Variants in TBC1D1 observed in about 807,000 individuals in gnomAD.
TBC1D1 encodes the protein TBC1 domain family member 1.
A neutral mutation model predicts 125.6 loss-of-function variants in TBC1D1; 89 were observed. The observed-to-expected ratio is 0.71, with a 90% CI of 0.60 to 0.85. The LOEUF is 0.85. Among genes scored for constraint, TBC1D1 ranks in the 40% least tolerant of loss-of-function variants. TBC1D1 has a pLI of 0.00. For synonymous variants in TBC1D1, 565 were observed against 564.1 expected (o/e 1.00, Z -0.02); for missense variants, 1,377 against 1,469.2 (o/e 0.94, Z 1.03).
intron 1 of TBC1D1, among the ~76,000 whole-genome samples, chr4:37,898,616 G>A (rs778541554): frequency 6.6e-6 from 1 of 152,122 alleles, no homozygotes; most frequent in Non-Finnish European, 1.5e-5. Context: ...CCATGATACA[G>A]ATGTCACCTG....
At chr4:37,966,652 T>A (rs1731132130) in intron 2 of TBC1D1, among the ~76,000 whole-genome samples, 1 of 152,208 alleles carries the variant, frequency 6.6e-6, no homozygotes, top group Non-Finnish European at 1.5e-5. Context: ...ATTATTATAC[T>A]TTAAGTTCTA....
At chr4:37,893,437 C>G (rs984295854) in intron 1 of TBC1D1, among the ~76,000 whole-genome samples, 2 of 152,174 alleles carry the variant, frequency 1.3e-5, no homozygotes, top group African/African-American at 4.8e-5. Context: ...AGTTTAATGA[C>G]CACGTTAGTT....
At chr4:37,917,032 A>G (rs1214060429) in intron 2 of TBC1D1, among the ~76,000 whole-genome samples, 3 of 151,368 alleles carry the variant, frequency 2.0e-5, no homozygotes, top group Non-Finnish European at 1.5e-5. Flanking sequence ...CAGCCTCCCA[A>G]AGTGCTGGGA....
chr4:37,964,725 AC>A (rs1730741738), intron 2 of TBC1D1, among the ~76,000 whole-genome samples: 1 of 152,150 alleles, frequency 6.6e-6, no homozygotes, highest in East Asian at 1.9e-4. Context: ...GCTGCCTCAG[AC>A]CCAACAAGAA....
At chr4:37,895,462 G>T (rs912199071) in intron 1 of TBC1D1, among the ~76,000 whole-genome samples, 1 of 152,140 alleles carries the variant, frequency 6.6e-6, no homozygotes, top group African/African-American at 2.4e-5. Flanking sequence ...CCAGCACTTT[G>T]GGAGGCCGAG....
chr4:37,913,416 T>A (rs1171542711), intron 2 of TBC1D1, among the ~76,000 whole-genome samples: 1 of 151,938 alleles, frequency 6.6e-6, no homozygotes, highest in Non-Finnish European at 1.5e-5. Flanking sequence ...CTGACCAACA[T>A]GGAGAAACCC....
At chr4:38,137,050 C>G in intron 19 of TBC1D1, 85 bp from the exon 22 acceptor site, 1 of 1,598,654 alleles carries the variant, frequency 6.3e-7, no homozygotes, top group Non-Finnish European at 8.5e-7. Flanking sequence ...CCAGAGTGCT[C>G]CCAAGGCTGG....
At chr4:37,905,846 C>CA (rs1392642014) in intron 2 of TBC1D1, among the ~76,000 whole-genome samples, 1 of 152,158 alleles carries the variant, frequency 6.6e-6, no homozygotes. Context: ...TCACCTGTTA[C>CA]AATTCTTTGA....
Position 37,946,184 on chromosome 4 carries a change from G to A in TBC1D1, c.417+43672G>A, listed in dbSNP as rs1339781053. Among the ~76,000 whole-genome samples, 7 of 152,298 alleles carry A rather than the reference G, an allele frequency of 4.6e-5. No homozygotes were observed. In the South Asian group the frequency reaches 1.0e-3, roughly 23 times the overall value. On this transcript the variant is annotated intron_variant, in intron 2 of 19. Coordinates refer to ENST00000261439, the MANE Select transcript of TBC1D1 (RefSeq NM_015173.4). ...TTGACTGTCATACAAATGAAACTCA[G>A]CAGACTAGAAATGCTGGAAAAACCA...
At chr4:37,945,082 A>C (rs1577979689) in intron 2 of TBC1D1, among the ~76,000 whole-genome samples, 1 of 150,984 alleles carries the variant, frequency 6.6e-6, no homozygotes, top group African/African-American at 2.4e-5. Flanking sequence ...GACAAACCAT[A>C]AGGCACAGCT....
chr4:37,919,270 C>T (rs1456780022), intron 2 of TBC1D1, among the ~76,000 whole-genome samples: 1 of 151,722 alleles, frequency 6.6e-6, no homozygotes, highest in Non-Finnish European at 1.5e-5. Flanking sequence ...TGGGTTCAAG[C>T]GATTCCCCTG....
At position 37,960,444 on chromosome 4, in the gene TBC1D1, C is replaced by G. The variant is rs752876023; in HGVS notation, c.418-54065C>G. 3.0e-5 allele frequency: 49 copies of G among 1,612,202 alleles called. 1 individual carries two copies. In the South Asian group the frequency reaches 4.4e-4, roughly 15 times the overall value. ...GCGGCAATAATCCAGAATGGCTACT[C>G]TGATCTACGTTGATAAGGAAATTGG... On this transcript the variant is annotated intron_variant, in intron 2 of 19. Coordinates refer to ENST00000261439, the MANE Select transcript of TBC1D1 (RefSeq NM_015173.4).
At chr4:38,090,868 C>T (rs1187391920) in intron 13 of TBC1D1, among the ~76,000 whole-genome samples, 2 of 152,120 alleles carry the variant, frequency 1.3e-5, no homozygotes, top group African/African-American at 4.8e-5. Context: ...TGCCATTGCC[C>T]CAGAACAATT....
At chr4:38,090,155 T>C in intron 13 of TBC1D1, 38 bp downstream of exon 15, 1 of 1,598,566 alleles carries the variant, frequency 6.3e-7, no homozygotes, top group Non-Finnish European at 8.5e-7. Flanking sequence ...GGCCTGGTCT[T>C]ATCTTGGCTC....
At chr4:38,052,980 T>G in intron 11 of TBC1D1, 126 bp from the exon 13 acceptor site, 1 of 616,420 alleles carries the variant, frequency 1.6e-6, no homozygotes, top group Non-Finnish European at 2.4e-6. Context: ...CTACTTTTAA[T>G]TTCTTACCTA....
Position 38,054,347 on chromosome 4 carries a change from G to C in TBC1D1, c.2050+9G>C. 6.2e-7 allele frequency: 1 copy of C among 1,613,800 alleles called. No individual in the cohort carries two copies. Among genetic ancestry groups the C allele is most frequent in the African/African-American group, 1.3e-5 (1 of 75,024 alleles). ...TTCCAGCAGATATGAAGGTAAGGCC[G>C]GTACCTGAAATGAAACCTCAAAGAG... On this transcript the variant is annotated intron_variant, in intron 12 of 19. Transcript: ENST00000261439.
chr4:38,031,493 G>A (rs1459553355), intron 7 of TBC1D1, among the ~76,000 whole-genome samples: 1 of 152,224 alleles, frequency 6.6e-6, no homozygotes, highest in Non-Finnish European at 1.5e-5. Flanking sequence ...GTCCAAGTGA[G>A]TTTTAAGATG....
At chr4:38,117,871 C>G (rs114666016) in intron 16 of TBC1D1, among the ~76,000 whole-genome samples, 162 bp from the exon 19 acceptor site, 2 of 152,344 alleles carry the variant, frequency 1.3e-5, no homozygotes, top group Non-Finnish European at 2.9e-5. Context: ...TTGGGAAGCA[C>G]TTGTTGGATG....
intron 1 of TBC1D1, among the ~76,000 whole-genome samples, chr4:37,895,378 A>T (rs1264935915): frequency 6.6e-6 from 1 of 152,178 alleles, no homozygotes. Flanking sequence ...AATGAAGAGT[A>T]TAAGAAGTGA....
Sources: allele counts gnomAD v4.1 joint callset (sites outside exome capture counted in the v4.1 genomes callset), GRCh38; gene constraint gnomAD v4.1.1; transcripts MANE v1.5; gene names NCBI Gene and HGNC (gene_info 2026-07-23, HGNC 2026-07-21).